The following RSBN1L variants were observed in gnomAD, a reference collection of about 807,000 sequenced individuals.
RSBN1L encodes the protein round spermatid basic protein 1 like, also known as lysine-specific demethylase RSBN1L.
Under a neutral mutation model 67.7 loss-of-function variants are expected in RSBN1L, and 30 were observed. The observed-to-expected ratio is 0.44, with a 90% confidence interval of 0.33 to 0.60. The LOEUF is 0.60. RSBN1L is among the 20% of genes least tolerant of loss of function. The probability of loss-of-function intolerance (pLI) is 0.02; values close to 1 mark genes in which losing one functional copy is unlikely to be tolerated. For synonymous variants in RSBN1L, 433 were observed against 387.0 expected (o/e 1.12, Z -1.39); for missense variants, 992 against 1,031.7 (o/e 0.96, Z 0.53).
chr7:77,773,088 ATG>A (rs1380997235), intron 5 of RSBN1L, 57 bp from the exon 6 acceptor site: 1 of 878,586 alleles, frequency 1.1e-6, no homozygotes, highest in Non-Finnish European at 1.7e-6. Flanking sequence ...TGATTATTGA[ATG>A]TTTGATAGCA....
chr7:77,779,367 GTT>G lies in RSBN1L; in HGVS notation c.*201_*202del, dbSNP rs993579351. On this transcript the variant is annotated 3_prime_UTR_variant, in exon 8 of 8. Transcript: ENST00000334955. ...GCCAGATGCACTGTAAACATTGCAG[GTT>G]TAAACATAAAGGAGTCTTTAAAAAA... 4.9e-6 allele frequency: 2 copies of G among 410,254 alleles called. No individual in the cohort carries two copies. The highest frequency in any genetic ancestry group is 4.0e-5 in the East Asian group (1 of 24,712). 25.4% of individuals were successfully genotyped at this position (410,254 alleles called of 1,614,324 possible).
chr7:77,722,388 G>T (rs7783032), intron 1 of RSBN1L, among the ~76,000 whole-genome samples: 87,010 of 151,566 alleles, frequency 0.57, 26,834 homozygotes, highest in African/African-American at 0.81. Context: ...AATGAGGGAG[G>T]AGTCAGGTAG....
chr7:77,714,443 A>G (rs1411817722), intron 1 of RSBN1L, among the ~76,000 whole-genome samples: 1 of 152,160 alleles, frequency 6.6e-6, no homozygotes, highest in East Asian at 1.9e-4. Flanking sequence ...ATGTCATATA[A>G]GTTGAATCAT....
At chr7:77,697,492 C>T (rs1436178720) in intron 1 of RSBN1L, 1 of 157,922 alleles carries the variant, frequency 6.3e-6, no homozygotes, top group Middle Eastern at 2.9e-3. Context: ...CCCGGATAAT[C>T]CTGTCAAAAA....
intron 6 of RSBN1L, among the ~76,000 whole-genome samples, 163 bp from the exon 7 acceptor site, chr7:77,778,175 C>T (rs549309743): frequency 6.6e-6 from 1 of 152,250 alleles, no homozygotes; most frequent in South Asian, 2.1e-4. Flanking sequence ...GGTGTTGGCC[C>T]TTTCTTTAAA....
intron 1 of RSBN1L, among the ~76,000 whole-genome samples, chr7:77,705,079 T>C (rs748872934): frequency 2.0e-5 from 3 of 152,156 alleles, no homozygotes; most frequent in Non-Finnish European, 2.9e-5. Flanking sequence ...TCCAATATCT[T>C]AACCCCCATA....
At chr7:77,737,950 A>G (rs749419779) in intron 2 of RSBN1L, among the ~76,000 whole-genome samples, 3 of 151,738 alleles carry the variant, frequency 2.0e-5, no homozygotes, top group Non-Finnish European at 4.4e-5. Context: ...TGAACCCGGG[A>G]GACAAGAGGT....
At chr7:77,729,568 A>G (rs1410905828) in intron 1 of RSBN1L, among the ~76,000 whole-genome samples, 1 of 152,152 alleles carries the variant, frequency 6.6e-6, no homozygotes, top group Non-Finnish European at 1.5e-5. Context: ...TATTGGGTGA[A>G]TGAGATACAT....
intron 3 of RSBN1L, among the ~76,000 whole-genome samples, chr7:77,762,621 C>A (rs889931041): frequency 3.9e-5 from 6 of 151,978 alleles, no homozygotes; most frequent in African/African-American, 1.4e-4. Flanking sequence ...AAATAAAGTT[C>A]TTGAGTCATG....
intron 1 of RSBN1L, among the ~76,000 whole-genome samples, chr7:77,702,946 C>T (rs757767525): frequency 8.5e-5 from 13 of 152,092 alleles, no homozygotes; most frequent in Non-Finnish European, 1.6e-4. Flanking sequence ...TCCGAAAAGC[C>T]TTATTTTCAG....
In RSBN1L at chr7:77,749,435, A is replaced by G; in HGVS notation, c.715A>G (p.Lys239Glu). ...VKILLKSGKE[K>E]PKTNIEDLQI... ...ATTTTTTCCAACAGGTGGGAAGGAGAAACCAAAAACAAATATAGAAGACTT... is the reference window on the plus strand; with the variant it reads ...ATTTTTTCCAACAGGTGGGAAGGAGGAACCAAAAACAAATATAGAAGACTT... The change falls in exon 3 of 8, where the codon AAA becomes GAA. Residue 239 changes from lysine (K) to glutamate (E), a missense_variant. Lys to Glu is a moderately conservative substitution (Grantham distance 56, BLOSUM62 1). Around this residue, in one of 7 missense-constraint regions of RSBN1L, gnomAD observed 575 missense variants for 483.2 expected, o/e 1.19. Transcript: ENST00000334955. 1 of 1,555,998 alleles carries G rather than the reference A, an allele frequency of 6.4e-7. No homozygotes were observed. The highest frequency in any genetic ancestry group is 8.6e-7 in the Non-Finnish European group (1 of 1,157,894).
At chr7:77,777,422 G>A (rs6971555) in intron 6 of RSBN1L, among the ~76,000 whole-genome samples, 70,924 of 151,068 alleles carry the variant, frequency 0.47, 18,800 homozygotes, top group African/African-American at 0.73. Context: ...TTGTTATGCT[G>A]TTTTCTCGGT....
intron 1 of RSBN1L, among the ~76,000 whole-genome samples, chr7:77,735,066 CA>C (rs959086130): frequency 6.9e-6 from 1 of 144,598 alleles, no homozygotes; most frequent in Non-Finnish European, 1.5e-5. Context: ...AAAAAAAAAA[CA>C]AAAAACACTT....
chr7:77,703,476 GGTTTTT>G (rs1790845665), intron 1 of RSBN1L, among the ~76,000 whole-genome samples: 2 of 101,530 alleles, frequency 2.0e-5, no homozygotes, highest in African/African-American at 7.1e-5. Flanking sequence ...CTACTGTTTG[GGTTTTT>G]TTTTTTTTTT....
chr7:77,770,835 G>A (rs533765736), intron 5 of RSBN1L, among the ~76,000 whole-genome samples: 26 of 152,330 alleles, frequency 1.7e-4, no homozygotes, highest in Admixed American at 3.3e-4. Context: ...ATGTGTGATT[G>A]TGTACTTATG....
intron 1 of RSBN1L, among the ~76,000 whole-genome samples, chr7:77,710,409 C>T (rs952687400): frequency 6.6e-6 from 1 of 152,088 alleles, no homozygotes; most frequent in Non-Finnish European, 1.5e-5. Context: ...TGCTCCTCGC[C>T]GCCTAGAACT....
Position 77,782,974 on chromosome 7 carries a change from A to G in RSBN1L, c.*3806A>G, listed in dbSNP as rs1562814022. The G allele has an allele frequency of 6.6e-6, 1 of 152,200 alleles. No individual in the cohort carries two copies. The highest frequency in any genetic ancestry group is 6.5e-5 in the Admixed American group (1 of 15,284). The allele number at this position is 152,200 out of a possible 1,614,324, so 9.4% of individuals were successfully genotyped here. On this transcript the variant is annotated 3_prime_UTR_variant, in exon 8 of 8. Coordinates refer to ENST00000334955, the MANE Select transcript of RSBN1L (RefSeq NM_198467.3). The stretch of plus-strand genomic sequence containing the variant: ...CATTTGTTTTTGGAGTTTGAGAGAT[A>G]TTTTCCTTGTCTTCCATCATTCAAT...
At chr7:77,759,337 C>G (rs1290969415) in intron 3 of RSBN1L, among the ~76,000 whole-genome samples, 2 of 152,042 alleles carry the variant, frequency 1.3e-5, no homozygotes, top group Admixed American at 6.5e-5. Context: ...AAAGCTTTCC[C>G]CCTTTATTTT....
At chr7:77,714,446 T>C (rs1471347495) in intron 1 of RSBN1L, among the ~76,000 whole-genome samples, 1 of 152,200 alleles carries the variant, frequency 6.6e-6, no homozygotes, top group African/African-American at 2.4e-5. Flanking sequence ...TCATATAAGT[T>C]GAATCATACA....
Sources: allele counts gnomAD v4.1 joint callset (sites outside exome capture counted in the v4.1 genomes callset), GRCh38; gene constraint gnomAD v4.1.1; regional missense constraint gnomAD v4.1.1; transcripts MANE v1.5; gene names NCBI Gene and HGNC (gene_info 2026-07-23, HGNC 2026-07-21).